GSK3B: variants seen among roughly 807,000 people sequenced by gnomAD.
GSK3B encodes the protein glycogen synthase kinase 3 beta, also known as glycogen synthase kinase-3 beta.
In GSK3B, 15 loss-of-function variants were observed where a neutral mutation model predicts 56.4. The observed-to-expected ratio is 0.27, with a 90% CI of 0.18 to 0.41. The LOEUF (loss-of-function observed/expected upper bound fraction) is 0.41, where lower values mean the gene tolerates loss of function less well. Among genes scored for constraint, GSK3B ranks in the 10% least tolerant of loss-of-function variants. The pLI, the probability that GSK3B is intolerant of heterozygous loss-of-function variation, is 1.00. For synonymous variants in GSK3B, 181 were observed against 188.9 expected (o/e 0.96, Z 0.34); for missense variants, 300 against 513.4 (o/e 0.58, Z 4.02).
intron 4 of GSK3B, among the ~76,000 whole-genome samples, chr3:119,918,658 C>G (rs1346414022): frequency 6.6e-6 from 1 of 152,118 alleles, no homozygotes; most frequent in African/African-American, 2.4e-5. Flanking sequence ...TTAGTTAATT[C>G]TTGCAACCAC....
intron 2 of GSK3B, among the ~76,000 whole-genome samples, chr3:119,971,664 T>G (rs2057368552): frequency 7.9e-6 from 1 of 126,920 alleles, no homozygotes; most frequent in South Asian, 2.7e-4. Context: ...CAGGCTGGAG[T>G]GCAGTGGCGG....
In GSK3B at chr3:119,844,768, T is replaced by C. The variant is rs552268663; in HGVS notation, c.1097-1415A>G. ...CTGGTACCATTCCTTCTGAAACTAT[T>C]CCAATCAACAGAAAAAGAGGGAATC... On this transcript the variant is annotated intron_variant, in intron 9 of 10. Coordinates refer to ENST00000264235, the MANE Select transcript of GSK3B (RefSeq NM_001146156.2). Among the ~76,000 whole-genome samples, 264 of 152,222 alleles carry C rather than the reference T, an allele frequency of 1.7e-3. 2 individuals are homozygous for C. The highest frequency in any genetic ancestry group is 6.0e-3 in the African/African-American group (249 of 41,510).
rs536740195 is a variant in GSK3B, at chr3:119,959,977, C to T, written c.283-12626G>A. ...TAGAAATTTACGTTCACATTAAAACCGGCATATGAATGTTCAAAGCAGCTT... is the reference window on the plus strand; with the variant it reads ...TAGAAATTTACGTTCACATTAAAACTGGCATATGAATGTTCAAAGCAGCTT... On this transcript the variant is annotated intron_variant, in intron 2 of 10. Coordinates refer to ENST00000264235, the MANE Select transcript of GSK3B (RefSeq NM_001146156.2). Among the ~76,000 whole-genome samples the T allele has an allele frequency of 6.6e-4, 101 of 151,892 alleles. 1 individual carries two copies. In the South Asian group the frequency reaches 0.015, roughly 23 times the overall value.
intron 3 of GSK3B, among the ~76,000 whole-genome samples, chr3:119,941,163 T>C: frequency 6.6e-6 from 1 of 151,700 alleles, no homozygotes; most frequent in African/African-American, 2.4e-5. Context: ...TTACAGGCAC[T>C]TGCCATCACA....
intron 1 of GSK3B, among the ~76,000 whole-genome samples, chr3:120,038,607 C>A (rs1264001743): frequency 1.3e-5 from 2 of 152,090 alleles, no homozygotes; most frequent in East Asian, 3.9e-4. Context: ...GAATAAGCGA[C>A]CATCTACATG....
At chr3:119,892,280 A>G (rs1452917203) in intron 7 of GSK3B, among the ~76,000 whole-genome samples, 1 of 151,918 alleles carries the variant, frequency 6.6e-6, no homozygotes, top group East Asian at 1.9e-4. Context: ...CAACAGCTCC[A>G]GTCTTCTCCT....
In GSK3B at chr3:119,823,357, C is replaced by T. The variant is rs545789563; in HGVS notation, c.*3431G>A. ...AGAGTTCCCTTGTTAAAACAACAGT[C>T]CTCTATTGGCACGGTGGCACTCCGT... On this transcript the variant is annotated 3_prime_UTR_variant, in exon 11 of 11. Transcript: ENST00000264235. 4.9e-6 allele frequency: 1 copy of T among 203,462 alleles called. No individual in the cohort carries two copies. Among genetic ancestry groups the T allele is most frequent in the South Asian group, 1.9e-4 (1 of 5,242 alleles). 12.6% of individuals were successfully genotyped at this position (203,462 alleles called of 1,614,324 possible).
At chr3:120,091,601 C>T (rs2058513140) in intron 1 of GSK3B, among the ~76,000 whole-genome samples, 1 of 152,120 alleles carries the variant, frequency 6.6e-6, no homozygotes, top group Admixed American at 6.5e-5. Context: ...GATTTTCAAA[C>T]TATATTACCA....
At chr3:120,020,746 T>G (rs934947241) in intron 1 of GSK3B, among the ~76,000 whole-genome samples, 1 of 152,164 alleles carries the variant, frequency 6.6e-6, no homozygotes, top group African/African-American at 2.4e-5. Flanking sequence ...TAGAAGTAAT[T>G]AAGCTTAGTG....
chr3:120,076,472 A>G (rs1347144058), intron 1 of GSK3B, among the ~76,000 whole-genome samples: 2 of 152,220 alleles, frequency 1.3e-5, no homozygotes, highest in African/African-American at 4.8e-5. Flanking sequence ...AATATTCAAG[A>G]TTTATAAAAA....
At chr3:119,828,580 A>G (rs562457905) in intron 10 of GSK3B, among the ~76,000 whole-genome samples, 1 of 152,342 alleles carries the variant, frequency 6.6e-6, no homozygotes, top group Non-Finnish European at 1.5e-5. Flanking sequence ...TATGGTGAGT[A>G]GAATAACCAA....
chr3:119,957,086 C>T (rs192479891), intron 2 of GSK3B, among the ~76,000 whole-genome samples: 64 of 152,266 alleles, frequency 4.2e-4, no homozygotes, highest in African/African-American at 1.5e-3. Flanking sequence ...AAGGAAAGTT[C>T]CTTACCGTCA....
intron 4 of GSK3B, among the ~76,000 whole-genome samples, chr3:119,917,586 T>C (rs986611754): frequency 2.0e-5 from 3 of 151,628 alleles, no homozygotes; most frequent in African/African-American, 7.3e-5. Context: ...GGCATAAATT[T>C]ACTAAAAAAA....
chr3:120,033,416 G>A (rs1576285521), intron 1 of GSK3B, among the ~76,000 whole-genome samples: 1 of 152,210 alleles, frequency 6.6e-6, no homozygotes, highest in African/African-American at 2.4e-5. Context: ...CAAAACAGCT[G>A]TACCATTTTA....
intron 4 of GSK3B, 63 bp downstream of exon 4, chr3:119,923,310 G>A (rs539774355): frequency 1.3e-6 from 1 of 783,372 alleles, no homozygotes; most frequent in African/African-American, 1.7e-5. Flanking sequence ...AAACATAAAA[G>A]AGGCTCTCCT....
Position 119,980,766 on chromosome 3 carries a change from G to T in GSK3B, c.282+21280C>A, listed in dbSNP as rs182383818. On this transcript the variant is annotated intron_variant, in intron 2 of 10. Transcript: ENST00000264235. ...CTAATCTTGTGGCTTAGGCAGTCTA[G>T]TCCACAAACATGAAGGAAGTTTGCT... 1.7e-3 allele frequency among the ~76,000 whole-genome samples: 261 copies of T among 152,282 alleles called. 6 individuals are homozygous for T. The South Asian group carries it at 0.024, about 14-fold the overall frequency.
chr3:119,871,367 C>A (rs901874341), intron 8 of GSK3B, among the ~76,000 whole-genome samples: 1 of 152,120 alleles, frequency 6.6e-6, no homozygotes, highest in South Asian at 2.1e-4. Context: ...TACCAAATGA[C>A]CTATGGTCAT....
intron 10 of GSK3B, among the ~76,000 whole-genome samples, chr3:119,838,685 TG>T (rs1395541276): frequency 6.6e-6 from 1 of 152,216 alleles, no homozygotes; most frequent in Non-Finnish European, 1.5e-5. Context: ...AATTTCCTAC[TG>T]TTGACCATTC....
chr3:119,997,538 A>C (rs1014121266), intron 2 of GSK3B, among the ~76,000 whole-genome samples: 14 of 152,228 alleles, frequency 9.2e-5, no homozygotes, highest in Non-Finnish European at 4.4e-5. Flanking sequence ...GAATATTGTA[A>C]ATCTGCACAT....
Sources: allele counts gnomAD v4.1 joint callset (sites outside exome capture counted in the v4.1 genomes callset), GRCh38; gene constraint gnomAD v4.1.1; transcripts MANE v1.5; gene names NCBI Gene and HGNC (gene_info 2026-07-23, HGNC 2026-07-21).